The following KCNN2 variants were observed in gnomAD, a reference collection of about 807,000 sequenced individuals.
The protein encoded by KCNN2 is small conductance calcium-activated potassium channel protein 2.
Under a neutral mutation model 55.5 loss-of-function variants are expected in KCNN2, and 24 were observed. That is an observed-to-expected ratio of 0.43 (90% CI 0.31 to 0.61). The LOEUF is 0.61. Among genes scored for constraint, KCNN2 ranks in the 20% least tolerant of loss-of-function variants. The probability of loss-of-function intolerance (pLI) is 0.08; values close to 1 mark genes in which losing one functional copy is unlikely to be tolerated. For synonymous variants in KCNN2, 431 were observed against 336.1 expected, an observed-to-expected ratio of 1.28 and a Z score of -3.09; for missense variants, 754 against 853.6, an observed-to-expected ratio of 0.88 and a Z score of 1.45.
intron 1 of KCNN2, among the ~76,000 whole-genome samples, chr5:114,066,907 C>T (rs1204679425): frequency 6.6e-6 from 1 of 152,154 alleles, no homozygotes; most frequent in Non-Finnish European, 1.5e-5. Flanking sequence ...TCTCACATGA[C>T]TATCTGTAAA....
At chr5:114,133,282 G>A (rs1455788035) in intron 1 of KCNN2, among the ~76,000 whole-genome samples, 4 of 152,078 alleles carry the variant, frequency 2.6e-5, no homozygotes, top group Non-Finnish European at 5.9e-5. Flanking sequence ...GGCTGATACA[G>A]TCCAAGGAAT....
chr5:114,159,332 C>A (rs1014121898), intron 1 of KCNN2, among the ~76,000 whole-genome samples: 3 of 152,148 alleles, frequency 2.0e-5, no homozygotes, highest in African/African-American at 7.2e-5. Flanking sequence ...TTGAACCAGC[C>A]TTGCATCCCA....
At chr5:114,339,355 G>T (rs1490480241) in intron 2 of KCNN2, among the ~76,000 whole-genome samples, 1 of 152,136 alleles carries the variant, frequency 6.6e-6, no homozygotes, top group Admixed American at 6.5e-5. Context: ...CATGGTTCTG[G>T]CCAGAAGATG....
At chr5:114,323,093 A>T (rs921670695) in intron 2 of KCNN2, among the ~76,000 whole-genome samples, 7 of 152,236 alleles carry the variant, frequency 4.6e-5, no homozygotes, top group African/African-American at 1.7e-4. Flanking sequence ...TTTGCTAAAA[A>T]TAAAATGCCT....
intron 2 of KCNN2, among the ~76,000 whole-genome samples, chr5:114,253,242 A>G (rs1754912632): frequency 6.6e-6 from 1 of 151,260 alleles, no homozygotes; most frequent in Admixed American, 6.6e-5. Flanking sequence ...CAACCCCTAA[A>G]TAAAACAGAA....
chr5:114,389,277 G>C (rs1382579478), intron 2 of KCNN2, among the ~76,000 whole-genome samples: 1 of 152,088 alleles, frequency 6.6e-6, no homozygotes, highest in African/African-American at 2.4e-5. Context: ...AAGAATATAT[G>C]GGTTCATTTG....
intron 1 of KCNN2, among the ~76,000 whole-genome samples, chr5:114,189,711 A>G (rs1289938399): frequency 6.6e-6 from 1 of 152,208 alleles, no homozygotes; most frequent in African/African-American, 2.4e-5. Context: ...TTTATCTCCA[A>G]TTTATAAATA....
intron 1 of KCNN2, among the ~76,000 whole-genome samples, chr5:114,188,272 G>C (rs920920654): frequency 6.6e-6 from 1 of 152,172 alleles, no homozygotes; most frequent in Admixed American, 6.5e-5. Flanking sequence ...TCTTGAGGAG[G>C]TAAGAGAAAT....
chr5:114,326,851 C>A (rs1756724403), intron 2 of KCNN2, among the ~76,000 whole-genome samples: 1 of 152,154 alleles, frequency 6.6e-6, no homozygotes, highest in Non-Finnish European at 1.5e-5. Flanking sequence ...TTCAGGGATA[C>A]ACCACATTCT....
At chr5:114,449,857 G>C (rs1241110953) in intron 3 of KCNN2, among the ~76,000 whole-genome samples, 1 of 147,226 alleles carries the variant, frequency 6.8e-6, no homozygotes, top group East Asian at 2.0e-4. Flanking sequence ...ATTGGATTTA[G>C]AATAGAGTAA....
intron 5 of KCNN2, 162 bp downstream of exon 5, chr5:114,473,326 A>AT: frequency 3.3e-6 from 2 of 615,250 alleles, no homozygotes; most frequent in Non-Finnish European, 5.8e-6. Flanking sequence ...AGAATAGACT[A>AT]TTTCTACCTT....
rs1755357288 is a variant in KCNN2 at position 114,272,307 on chromosome 5, C to CACACACACATATATGTATGTACATATCAT, written c.-185+50768_-185+50769insCATACACACACATATATGTATGTACATAT. Among the ~76,000 whole-genome samples the CACACACACATATATGTATGTACATATCAT allele has an allele frequency of 1.4e-5, 2 of 144,422 alleles. 1 individual carries two copies. The highest frequency in any genetic ancestry group is 3.0e-5 in the Non-Finnish European group (2 of 67,326). 94.7% of individuals were successfully genotyped at this position (144,422 alleles called of 152,430 possible). On this transcript the variant is annotated intron_variant, in intron 2 of 10. Transcript: ENST00000512097. ...CACACATATATGTATGTACATATCA[C>CACACACACATATATGTATGTACATATCAT]ACACACACATATATGTATGTACATA...
At chr5:114,470,341 T>G (rs1175997680) in intron 4 of KCNN2, among the ~76,000 whole-genome samples, 2 of 152,222 alleles carry the variant, frequency 1.3e-5, no homozygotes, top group Non-Finnish European at 2.9e-5. Context: ...TTATGACCTC[T>G]GCTTATTAAA....
intron 3 of KCNN2, among the ~76,000 whole-genome samples, chr5:114,427,592 A>G (rs1179681158): frequency 6.6e-6 from 1 of 152,256 alleles, no homozygotes; most frequent in East Asian, 1.9e-4. Context: ...CCATTTGGTG[A>G]TAAAAGCACT....
intron 1 of KCNN2, among the ~76,000 whole-genome samples, chr5:114,209,490 T>C (rs1753836334): frequency 1.3e-5 from 2 of 152,058 alleles, no homozygotes; most frequent in South Asian, 4.1e-4. Context: ...AACCAAAAAG[T>C]TGGCACCTGA....
At position 114,434,180 on chromosome 5, in the gene KCNN2, A is replaced by ATT. The variant is rs56696315; in HGVS notation, c.1638-28862_1638-28861dup. 4.3e-4 allele frequency among the ~76,000 whole-genome samples: 65 copies of ATT among 151,000 alleles called. 1 individual carries two copies. In the East Asian group the frequency reaches 4.9e-3, roughly 11 times the overall value. On this transcript the variant is annotated intron_variant, in intron 3 of 7. Transcript: ENST00000673685. ...TTTTTAGCATATCAGTTATACTACT[A>ATT]TTTTTTTTCTGTTTGGGAGGTTTCT...
At chr5:114,269,614 G>C (rs1755282142) in intron 2 of KCNN2, among the ~76,000 whole-genome samples, 1 of 151,732 alleles carries the variant, frequency 6.6e-6, no homozygotes, top group Non-Finnish European at 1.5e-5. Flanking sequence ...ACTAGTTGCA[G>C]ATTATTTTAA....
intron 2 of KCNN2, among the ~76,000 whole-genome samples, chr5:114,323,649 A>ATTTTTGTTTTTTTT (rs1756656195): frequency 1.2e-5 from 1 of 85,318 alleles, no homozygotes; most frequent in Non-Finnish European, 2.3e-5. Context: ...AAACATATCA[A>ATTTTTGTTTTTTTT]TTTTTTTTTT....
intron 1 of KCNN2, among the ~76,000 whole-genome samples, chr5:114,097,740 A>G (rs1226346534): frequency 6.6e-6 from 1 of 152,108 alleles, no homozygotes; most frequent in Non-Finnish European, 1.5e-5. Flanking sequence ...ATTCCATCTT[A>G]AGCTCTGAGA....
Sources: gnomAD v4.1 joint callset for allele counts (sites outside exome capture counted in the v4.1 genomes callset) on GRCh38, gnomAD v4.1.1 for gene constraint, MANE v1.5 for transcripts, NCBI Gene and HGNC (gene_info 2026-07-23, HGNC 2026-07-21) for gene names.